Variants in SGCD observed in about 807,000 individuals in gnomAD.
The protein encoded by SGCD is sarcoglycan delta, also known as delta-sarcoglycan.
In SGCD, 18 loss-of-function variants were observed where a neutral mutation model predicts 36.6. That is an observed-to-expected ratio of 0.49 (90% CI 0.34 to 0.73). The LOEUF (loss-of-function observed/expected upper bound fraction) is 0.73. Ranked by LOEUF, SGCD falls within the 30% of genes least tolerant of loss-of-function variation. The probability of loss-of-function intolerance (pLI) is 0.01; values close to 1 mark genes in which losing one functional copy is unlikely to be tolerated. For missense variants in SGCD, 387 were observed against 346.7 expected, an observed-to-expected ratio of 1.12 and a Z score of -0.92; for synonymous variants, 133 against 130.6, an observed-to-expected ratio of 1.02 and a Z score of -0.12.
the SGCD span, among the ~76,000 whole-genome samples, chr5:155,855,214 C>A: frequency 0.11 from 17,261 of 152,116 alleles, 1,958 homozygotes; most frequent in African/African-American, 0.29. Flanking sequence ...ATCAGCACCC[C>A]CCTCGGCAAC....
chr5:156,253,173 T>C (rs1219835518), intron 3 of SGCD, among the ~76,000 whole-genome samples: 1 of 152,068 alleles, frequency 6.6e-6, no homozygotes, highest in African/African-American at 2.4e-5. Flanking sequence ...AGAACCACAG[T>C]TGGGAACAGG....
At chr5:156,006,251 A>G (rs1670202698) in intron 1 of SGCD, among the ~76,000 whole-genome samples, 1 of 152,228 alleles carries the variant, frequency 6.6e-6, no homozygotes, top group Non-Finnish European at 1.5e-5. Flanking sequence ...TATTTTCTAA[A>G]TAAGGTCACT....
rs1041188713 is a variant in SGCD at position 156,766,654 on chromosome 5, C to T, written c.*7264C>T. The T allele has an allele frequency of 1.9e-4, 29 of 150,428 alleles. No homozygotes were observed. The highest frequency in any genetic ancestry group is 6.1e-4 in the African/African-American group (25 of 40,710). The allele number at this position is 150,428 out of a possible 1,614,324, so 9.3% of individuals were successfully genotyped here. A position where few individuals can be genotyped will look rare whatever the true frequency, so the allele number is the denominator to read the frequency against. On this transcript the variant is annotated 3_prime_UTR_variant, in exon 9 of 9. Coordinates refer to ENST00000337851, the MANE Select transcript of SGCD (RefSeq NM_000337.6). ...AAATGAGTGCATCTGAAGTTCCTTA[C>T]AGCTTGGTTTCTTTGGAATGCTTTC...
At chr5:156,210,497 A>T (rs1344719508) in intron 3 of SGCD, among the ~76,000 whole-genome samples, 1 of 152,164 alleles carries the variant, frequency 6.6e-6, no homozygotes, top group Admixed American at 6.5e-5. Flanking sequence ...CCCAACAAAG[A>T]ATTCAAAATA....
At chr5:156,671,179 A>T (rs1236972599) in intron 7 of SGCD, among the ~76,000 whole-genome samples, 1 of 151,300 alleles carries the variant, frequency 6.6e-6, no homozygotes, top group Non-Finnish European at 1.5e-5. Context: ...TCCACATTAA[A>T]AAAAAAAGAA....
chr5:156,336,054 C>T (rs62380678), intron 2 of SGCD, among the ~76,000 whole-genome samples: 6 of 152,140 alleles, frequency 3.9e-5, no homozygotes, highest in Non-Finnish European at 8.8e-5. Context: ...CTGTATCATA[C>T]CTGAGGTTTT....
chr5:156,582,005 A>G (rs548709702), intron 4 of SGCD, among the ~76,000 whole-genome samples: 35 of 152,256 alleles, frequency 2.3e-4, no homozygotes, highest in South Asian at 6.2e-4. Flanking sequence ...TTCTGCATCA[A>G]TCATGCTGGG....
chr5:156,504,392 GTATATATATATATATATA>G (rs59580975), intron 3 of SGCD, among the ~76,000 whole-genome samples: 11 of 75,070 alleles, frequency 1.5e-4, no homozygotes, highest in Non-Finnish European at 2.4e-4. Flanking sequence ...GTGTGTGTGT[GTATATATATATATATATA>G]TATATATATA....
At chr5:156,275,441 T>A (rs115169161) in intron 3 of SGCD, among the ~76,000 whole-genome samples, 2,129 of 152,306 alleles carry the variant, frequency 0.014, 23 homozygotes, top group Non-Finnish European at 0.024. Context: ...AGATGCATGC[T>A]TAAAACATAG....
intron 3 of SGCD, among the ~76,000 whole-genome samples, chr5:156,297,892 T>A (rs1308139329): frequency 1.3e-5 from 2 of 152,094 alleles, no homozygotes; most frequent in South Asian, 2.1e-4. Flanking sequence ...TCTAACTATA[T>A]TTTTGTACTC....
the SGCD span, among the ~76,000 whole-genome samples, chr5:155,806,933 T>G: frequency 3.3e-5 from 5 of 152,192 alleles, no homozygotes; most frequent in Non-Finnish European, 7.4e-5. Context: ...ATATTCAGAG[T>G]TAGGTTGACT....
At chr5:156,334,632 CT>C (rs956708549) in intron 2 of SGCD, among the ~76,000 whole-genome samples, 5 of 52,938 alleles carry the variant, frequency 9.4e-5, no homozygotes, top group Non-Finnish European at 1.5e-4. Context: ...TTTTTTTTGG[CT>C]TTTTTTTAGG....
At chr5:156,256,598 T>C (rs1006621398) in intron 3 of SGCD, among the ~76,000 whole-genome samples, 103 of 152,344 alleles carry the variant, frequency 6.8e-4, no homozygotes, top group African/African-American at 2.4e-3. Flanking sequence ...TTCCCGTTCT[T>C]AGTAATTTTG....
chr5:156,553,623 C>T (rs1004614635), intron 4 of SGCD, among the ~76,000 whole-genome samples: 25 of 152,240 alleles, frequency 1.6e-4, no homozygotes, highest in Middle Eastern at 3.4e-3. Flanking sequence ...CTCCATCCTC[C>T]CCTTCTTACA....
intron 7 of SGCD, among the ~76,000 whole-genome samples, chr5:156,674,699 A>G (rs1753439622): frequency 6.6e-6 from 1 of 152,200 alleles, no homozygotes; most frequent in South Asian, 2.1e-4. Flanking sequence ...TCAAAAATAC[A>G]GTTAGACCAG....
In SGCD at chr5:156,302,217, A is replaced by G. The variant is rs182391425; in HGVS notation, c.-43-27317A>G. Among the ~76,000 whole-genome samples, 744 of 151,066 alleles carry G rather than the reference A, an allele frequency of 4.9e-3. 2 individuals carry two copies. Among genetic ancestry groups the G allele is most frequent in the Non-Finnish European group, 7.2e-3 (486 of 67,726 alleles). ...TCCTTTTTATTCTTTTTTCTTTTGT[A>G]TCCTCTGACTATACATTTTCAAGTA... On this transcript the variant is annotated intron_variant, in intron 3 of 9. Transcript: ENST00000517913.
chr5:155,772,916 A>G, the SGCD span, among the ~76,000 whole-genome samples: 37 of 152,282 alleles, frequency 2.4e-4, no homozygotes, highest in East Asian at 1.2e-3. Flanking sequence ...TCAAGTCAAC[A>G]GTTGATTTAT....
chr5:156,019,337 T>G (rs1464510259), intron 1 of SGCD, among the ~76,000 whole-genome samples: 1 of 152,208 alleles, frequency 6.6e-6, no homozygotes, highest in African/African-American at 2.4e-5. Flanking sequence ...AGAATTAACA[T>G]ATTAATTTGA....
At chr5:155,852,760 G>A in the SGCD span, among the ~76,000 whole-genome samples, 1 of 152,230 alleles carries the variant, frequency 6.6e-6, no homozygotes, top group South Asian at 2.1e-4. Flanking sequence ...GCTTTAGCGT[G>A]CATCTTTTTG....
Sources: allele counts gnomAD v4.1 joint callset (sites outside exome capture counted in the v4.1 genomes callset), GRCh38; gene constraint gnomAD v4.1.1; transcripts MANE v1.5; gene names NCBI Gene and HGNC (gene_info 2026-07-23, HGNC 2026-07-21).